Variants in SLMAP observed in about 807,000 individuals in gnomAD.
The protein encoded by SLMAP is sarcolemma associated protein.
In SLMAP, 44 loss-of-function variants were observed where a neutral mutation model predicts 128.8. The observed-to-expected ratio is 0.34, with a 90% CI of 0.27 to 0.44. The LOEUF is 0.44. Ranked by LOEUF, SLMAP falls within the 20% of genes least tolerant of loss-of-function variation. The pLI is 1.00. For synonymous variants in SLMAP, 327 were observed against 348.8 expected (o/e 0.94, Z 0.70); for missense variants, 787 against 985.3 (o/e 0.80, Z 2.69).
intron 22 of SLMAP, among the ~76,000 whole-genome samples, chr3:57,920,392 T>G (rs2096895602): frequency 6.6e-6 from 1 of 152,226 alleles, no homozygotes; most frequent in East Asian, 1.9e-4. Context: ...TTTCTTCTCT[T>G]TTTCTGGTGA....
rs551962273 is a variant in SLMAP, at chr3:57,915,159, C to T, written c.2139-1747C>T. 1.6e-4 allele frequency among the ~76,000 whole-genome samples: 24 copies of T among 152,294 alleles called. No homozygotes were observed. The South Asian group carries it at 4.6e-3, about 29-fold the overall frequency. On this transcript the variant is annotated intron_variant, in intron 21 of 24. Coordinates refer to ENST00000671191, the MANE Select transcript of SLMAP (RefSeq NM_001377540.1). ...CTGGGATTACAGGCGTAAGCCACTG[C>T]CCTCGGCCGAAAGTATTGATATTTT... is the stretch of plus-strand genomic sequence containing the variant.
Position 57,803,534 on chromosome 3 carries a change from C to A in SLMAP, c.199-27849C>A, listed in dbSNP as rs73073966. 4.1e-3 allele frequency among the ~76,000 whole-genome samples: 624 copies of A among 152,278 alleles called. 3 individuals carry two copies. Among genetic ancestry groups the A allele is most frequent in the Non-Finnish European group, 6.9e-3 (471 of 68,012 alleles). On this transcript the variant is annotated intron_variant, in intron 2 of 24. Coordinates refer to ENST00000671191, the MANE Select transcript of SLMAP (RefSeq NM_001377540.1). Reference sequence around the variant, plus strand: ...TTGTAGATGTAAAATGTTGAAATAACTTTCATTTTTGTTTCCTTGAATGTA... The same window carrying A: ...TTGTAGATGTAAAATGTTGAAATAAATTTCATTTTTGTTTCCTTGAATGTA...
At chr3:57,882,594 A>T (rs562474854) in intron 14 of SLMAP, among the ~76,000 whole-genome samples, 1 of 152,340 alleles carries the variant, frequency 6.6e-6, no homozygotes, top group African/African-American at 2.4e-5. Flanking sequence ...TTCTGCCATT[A>T]TAAGGGAAAT....
rs2096723659 is a variant in SLMAP at position 57,912,544 on chromosome 3, T to C, written c.1863T>C (p.Ser621=). 6.2e-7 allele frequency: 1 copy of C among 1,614,174 alleles called. No individual in the cohort carries two copies. Among genetic ancestry groups the C allele is most frequent in the African/African-American group, 1.3e-5 (1 of 75,062 alleles). Residue 621 remains serine, a synonymous_variant, in exon 20 of 25, where the codon TCT becomes TCC. Coordinates refer to ENST00000671191, the MANE Select transcript of SLMAP (RefSeq NM_001377540.1). ...CTGAGCGGGACACTGACATTGCTTC[T>C]TTACAAGAAGAGCTTAAGAAGGTGA... is the stretch of plus-strand genomic sequence containing the variant. ...VASERDTDIA[S]LQEELKKVRA...
At chr3:57,919,938 A>T (rs994200451) in intron 22 of SLMAP, among the ~76,000 whole-genome samples, 6 of 152,186 alleles carry the variant, frequency 3.9e-5, no homozygotes, top group Non-Finnish European at 5.9e-5. Flanking sequence ...AAGCAACAGG[A>T]TCCCCCTGGT....
In SLMAP at chr3:57,909,031, AT is replaced by A. The variant is rs761508119; in HGVS notation, c.1625-43del. ...CAGCTGCTCAACTCTGAGTACTTTC[AT>A]TAATTCACAAAACTATTAATAGATA... On this transcript the variant is annotated intron_variant, in intron 18 of 24. Transcript: ENST00000671191. The A allele has an allele frequency of 5.9e-6, 8 of 1,357,356 alleles. No homozygotes were observed. In the Admixed American group the frequency reaches 1.6e-4, roughly 27 times the overall value. The allele number at this position is 1,357,356 out of a possible 1,614,324, so 84.1% of individuals were successfully genotyped here. A position where few individuals can be genotyped will look rare whatever the true frequency, so the allele number is the denominator to read the frequency against.
Position 57,757,745 on chromosome 3 carries a change from C to T in SLMAP, c.94C>T (p.Arg32Cys). ...CCTGGACGAGCCCATCAAAATCGGC[C>T]GCTCAGTGGCCCGCTGTCGACCAGC... ...VYLDEPIKIG[R>C]SVARCRPAQN... Residue 32 changes from arginine (R) to cysteine (C), a missense_variant, in exon 2 of 25, where the codon CGC becomes TGC. Physicochemically the swap from Arg to Cys is radical, Grantham distance 180. Transcript: ENST00000671191. 1 of 1,614,176 alleles carries T rather than the reference C, an allele frequency of 6.2e-7. No homozygotes were observed. Among genetic ancestry groups the T allele is most frequent in the Non-Finnish European group, 8.5e-7 (1 of 1,180,038 alleles).
At chr3:57,771,819 A>G (rs1328038101) in intron 2 of SLMAP, among the ~76,000 whole-genome samples, 2 of 152,232 alleles carry the variant, frequency 1.3e-5, no homozygotes, top group Admixed American at 6.5e-5. Flanking sequence ...TAAAGAAATC[A>G]TCTGTTGATT....
At chr3:57,913,695 G>A (rs965747442) in intron 21 of SLMAP, among the ~76,000 whole-genome samples, 2 of 152,144 alleles carry the variant, frequency 1.3e-5, no homozygotes, top group Non-Finnish European at 2.9e-5. Context: ...GGTGGTTCAC[G>A]CCTGTAATGC....
chr3:57,804,385 G>T (rs2089338851), intron 2 of SLMAP, among the ~76,000 whole-genome samples: 1 of 152,212 alleles, frequency 6.6e-6, no homozygotes, highest in Non-Finnish European at 1.5e-5. Flanking sequence ...TGATTAAGAA[G>T]TCAGGAATGA....
intron 13 of SLMAP, 111 bp downstream of exon 13, chr3:57,865,403 C>A (rs2095270411): frequency 2.2e-6 from 1 of 452,102 alleles, no homozygotes; most frequent in African/African-American, 2.0e-5. Flanking sequence ...CATGCTCTCA[C>A]AGATCATTGA....
rs1309539180 is a variant in SLMAP, at chr3:57,922,956, A to G, written c.2378A>G (p.Gln793Arg). 1.2e-6 allele frequency: 2 copies of G among 1,613,658 alleles called. No homozygotes were observed. The highest frequency in any genetic ancestry group is 1.1e-5 in the South Asian group (1 of 91,074). The change falls in exon 23 of 25, where the codon CAG (glutamine) becomes CGG (arginine). Residue 793 changes from glutamine to arginine, a missense_variant. Gln to Arg is a conservative substitution (Grantham distance 43). Around this residue, in one of 2 missense-constraint regions of SLMAP, gnomAD observed 715 missense variants for 843.6 expected, o/e 0.85. Transcript: ENST00000671191. ...TTTGAAATGACTGAGCAGGAAAAGC[A>G]GTCAATCACAGATGAGCTCAAACAG... ...LKFEMTEQEK[Q>R]SITDELKQCK...
intron 8 of SLMAP, among the ~76,000 whole-genome samples, chr3:57,859,793 C>A (rs1456053810): frequency 6.6e-6 from 1 of 151,954 alleles, no homozygotes; most frequent in Non-Finnish European, 1.5e-5. Flanking sequence ...GCACTAAAAC[C>A]CCAGACATCA....
At chr3:57,853,955 TTATATATATATATATA>T (rs1157170350) in intron 6 of SLMAP, among the ~76,000 whole-genome samples, 176 of 31,942 alleles carry the variant, frequency 5.5e-3, no homozygotes, top group South Asian at 0.046. Flanking sequence ...AAAAAAAAAA[TTATATATATATATATA>T]TATATATATA....
chr3:57,906,674 AATATAT>A (rs71091317), intron 17 of SLMAP, among the ~76,000 whole-genome samples: 25,907 of 67,092 alleles, frequency 0.39, 2,512 homozygotes, highest in East Asian at 0.53. Context: ...ATGAAAAAAA[AATATAT>A]ATATATATAT....
intron 17 of SLMAP, chr3:57,899,399 G>C (rs1057403780): frequency 6.6e-6 from 1 of 152,162 alleles, no homozygotes; most frequent in Non-Finnish European, 1.5e-5. Context: ...AGATGGGTCA[G>C]AGTTTCCCTA....
chr3:57,869,514 G>A (rs1354143631), intron 13 of SLMAP, among the ~76,000 whole-genome samples: 1 of 150,236 alleles, frequency 6.7e-6, no homozygotes, highest in Non-Finnish European at 1.5e-5. Context: ...TTACTTGGGA[G>A]GCTAAGGTAG....
chr3:57,856,634 A>G (rs946938034), intron 6 of SLMAP, among the ~76,000 whole-genome samples: 1 of 152,106 alleles, frequency 6.6e-6, no homozygotes, highest in African/African-American at 2.4e-5. Context: ...TACCTCCTAA[A>G]GGACCTCTCT....
intron 2 of SLMAP, among the ~76,000 whole-genome samples, chr3:57,787,892 G>A (rs905640691): frequency 8.5e-5 from 13 of 152,224 alleles, no homozygotes; most frequent in African/African-American, 3.1e-4. Flanking sequence ...CATGTCTCTG[G>A]ATAATACCAA....
Sources: allele counts gnomAD v4.1 joint callset (sites outside exome capture counted in the v4.1 genomes callset), GRCh38; gene constraint gnomAD v4.1.1; regional missense constraint gnomAD v4.1.1; transcripts MANE v1.5; gene names NCBI Gene and HGNC (gene_info 2026-07-23, HGNC 2026-07-21).